Variants in USP32 observed in about 807,000 individuals in gnomAD.
USP32 encodes ubiquitin carboxyl-terminal hydrolase 32.
Under a neutral mutation model 204.8 loss-of-function variants are expected in USP32, and 59 were observed. The ratio of observed to expected loss-of-function variants is 0.29; its 90% CI spans 0.23 to 0.36. The LOEUF is 0.36. USP32 is among the 10% of genes least tolerant of loss of function. The pLI is 1.00. For missense variants in USP32, 1,160 were observed against 1,946.4 expected (o/e 0.60, Z 7.60); for synonymous variants, 517 against 678.4 (o/e 0.76, Z 3.70).
intron 1 of USP32, among the ~76,000 whole-genome samples, chr17:60,349,088 T>A (rs1457487054): frequency 6.6e-6 from 1 of 151,436 alleles, no homozygotes; most frequent in Non-Finnish European, 1.5e-5. Flanking sequence ...ACAAGAAAAT[T>A]AAACATTCAA....
At chr17:60,273,838 T>C (rs1459027664) in intron 5 of USP32, among the ~76,000 whole-genome samples, 1 of 151,696 alleles carries the variant, frequency 6.6e-6, no homozygotes, top group Non-Finnish European at 1.5e-5. Flanking sequence ...CGGGTGCCTG[T>C]AGTCCCAGCT....
At chr17:60,184,201 G>A (rs1407609506) in intron 30 of USP32, among the ~76,000 whole-genome samples, 2 of 151,480 alleles carry the variant, frequency 1.3e-5, no homozygotes, top group Non-Finnish European at 2.9e-5. Flanking sequence ...TGTAGTCCTA[G>A]CTACTCAGGA....
chr17:60,299,928 G>A (rs1401433219), intron 3 of USP32, among the ~76,000 whole-genome samples: 1 of 152,014 alleles, frequency 6.6e-6, no homozygotes, highest in African/African-American at 2.4e-5. Flanking sequence ...TCTCTCTGGG[G>A]CCTCTTTTAT....
intron 22 of USP32, among the ~76,000 whole-genome samples, chr17:60,209,070 G>T (rs991987347): frequency 6.6e-6 from 1 of 152,038 alleles, no homozygotes; most frequent in African/African-American, 2.4e-5. Flanking sequence ...ATGCCTATAG[G>T]TCACTGTATC....
rs763251107 is a variant in USP32, at chr17:60,236,247, G to A, written c.1137-7C>T. On this transcript the variant is annotated splice_polypyrimidine_tract_variant and splice_region_variant and intron_variant, in intron 11 of 33. Coordinates refer to ENST00000300896, the MANE Select transcript of USP32 (RefSeq NM_032582.4). Reference sequence around the variant, plus strand: ...CTCTCGTTCTAACCATCCTCTGTATGTACAAAAGAAATTAAATACATCAAA... The same window carrying A: ...CTCTCGTTCTAACCATCCTCTGTATATACAAAAGAAATTAAATACATCAAA... The A allele has an allele frequency of 7.5e-6, 12 of 1,609,332 alleles. No individual in the cohort carries two copies. The highest frequency in any genetic ancestry group is 3.4e-5 in the Admixed American group (2 of 59,606).
At chr17:60,272,754 T>C (rs1567818945) in intron 5 of USP32, among the ~76,000 whole-genome samples, 1 of 152,202 alleles carries the variant, frequency 6.6e-6, no homozygotes, top group Admixed American at 6.5e-5. Context: ...GGATGAGTAC[T>C]GTAAGCAGAG....
Position 60,223,392 on chromosome 17 carries a change from T to G in USP32, c.1608+19A>C. 6.3e-7 allele frequency: 1 copy of G among 1,591,966 alleles called. No homozygotes were observed. The highest frequency in any genetic ancestry group is 1.1e-5 in the South Asian group (1 of 87,010). On this transcript the variant is annotated intron_variant, in intron 14 of 33. Transcript: ENST00000300896. ...GCTTGCAAGAGAATAATTTTAAGTT[T>G]AGATGTAAAATTACTTACCTTTACT...
intron 1 of USP32, among the ~76,000 whole-genome samples, chr17:60,347,888 T>C (rs1598272537): frequency 1.3e-5 from 2 of 151,188 alleles, no homozygotes; most frequent in East Asian, 2.0e-4. Context: ...TTTGGGAGGC[T>C]GAGGCGGGCG....
In USP32 at chr17:60,265,981, TATC is replaced by T. The variant is rs759384925; in HGVS notation, c.919_921del (p.Asp307del). On this transcript the variant is annotated inframe_deletion, in exon 8 of 34. Transcript: ENST00000300896. ...CATACACAATCATAACTTACAGGAA[TATC>T]ATCAGTGCGGTTGTCCTTCCAGACT... 1 of 1,612,660 alleles carries T rather than the reference TATC, an allele frequency of 6.2e-7. No homozygotes were observed. The highest frequency in any genetic ancestry group is 1.7e-5 in the Admixed American group (1 of 59,962).
chr17:60,228,468 A>G (rs1221304293), intron 12 of USP32, among the ~76,000 whole-genome samples: 1 of 150,584 alleles, frequency 6.6e-6, no homozygotes, highest in Non-Finnish European at 1.5e-5. Flanking sequence ...CACAAAATAC[A>G]TGACATTTAA....
At chr17:60,415,852 T>G (rs1462085268) in intron 1 of USP32, among the ~76,000 whole-genome samples, 1 of 152,170 alleles carries the variant, frequency 6.6e-6, no homozygotes, top group Non-Finnish European at 1.5e-5. Flanking sequence ...ATTTGTTTGT[T>G]TTTTTGAGAT....
At chr17:60,387,889 T>C (rs943538985) in intron 1 of USP32, among the ~76,000 whole-genome samples, 1 of 152,186 alleles carries the variant, frequency 6.6e-6, no homozygotes, top group Admixed American at 6.5e-5. Flanking sequence ...TGGTTATTAA[T>C]ACTAAATATT....
At chr17:60,358,412 C>G (rs548544075) in intron 1 of USP32, among the ~76,000 whole-genome samples, 1 of 151,650 alleles carries the variant, frequency 6.6e-6, no homozygotes, top group South Asian at 2.1e-4. Context: ...CCATCTCTAC[C>G]AAAAATACAA....
chr17:60,322,948 G>A (rs1463072160), intron 2 of USP32, among the ~76,000 whole-genome samples: 1 of 152,052 alleles, frequency 6.6e-6, no homozygotes, highest in Non-Finnish European at 1.5e-5. Context: ...AAACCACAAT[G>A]AGACACAACT....
At chr17:60,377,879 T>C (rs1242728577) in intron 1 of USP32, among the ~76,000 whole-genome samples, 1 of 152,202 alleles carries the variant, frequency 6.6e-6, no homozygotes, top group Admixed American at 6.5e-5. Flanking sequence ...CTTTGCACAA[T>C]CTGTAACATT....
At chr17:60,323,308 C>A (rs1470613150) in intron 2 of USP32, among the ~76,000 whole-genome samples, 1 of 151,800 alleles carries the variant, frequency 6.6e-6, no homozygotes. Context: ...TATTATTCAA[C>A]AATAAAAAGG....
At chr17:60,291,053 A>C (rs982912211) in intron 4 of USP32, among the ~76,000 whole-genome samples, 16 of 152,306 alleles carry the variant, frequency 1.1e-4, no homozygotes, top group South Asian at 2.1e-4. Flanking sequence ...AGAAGACACT[A>C]TTATTATCCC....
At chr17:60,290,202 G>T (rs765526479) in intron 4 of USP32, among the ~76,000 whole-genome samples, 2 of 152,158 alleles carry the variant, frequency 1.3e-5, no homozygotes, top group Non-Finnish European at 2.9e-5. Flanking sequence ...CCCACCAACT[G>T]AAGTTTGCCA....
chr17:60,299,949 A>C (rs1341339902), intron 3 of USP32, among the ~76,000 whole-genome samples: 2 of 152,116 alleles, frequency 1.3e-5, no homozygotes, highest in Non-Finnish European at 2.9e-5. Flanking sequence ...TAGGGCACTT[A>C]ATCTCACTCA....
Sources: gnomAD v4.1 joint callset for allele counts (sites outside exome capture counted in the v4.1 genomes callset) on GRCh38, gnomAD v4.1.1 for gene constraint, MANE v1.5 for transcripts, NCBI Gene and HGNC (gene_info 2026-07-23, HGNC 2026-07-21) for gene names.